Variants in BMPR2 observed in about 807,000 individuals in gnomAD.
BMPR2 encodes the protein bone morphogenetic protein receptor type-2.
Under a neutral mutation model 100.8 loss-of-function variants are expected in BMPR2, and 29 were observed. That is an observed-to-expected ratio of 0.29 (90% CI 0.21 to 0.39). The LOEUF (loss-of-function observed/expected upper bound fraction) is 0.39, where lower values mean the gene tolerates loss of function less well. Among genes scored for constraint, BMPR2 ranks in the 10% least tolerant of loss-of-function variants. The probability of loss-of-function intolerance (pLI) is 1.00; values close to 1 mark genes in which losing one functional copy is unlikely to be tolerated. For synonymous variants in BMPR2, 382 were observed against 442.3 expected, an observed-to-expected ratio of 0.86 and a Z score of 1.71; for missense variants, 1,011 against 1,274.5, an observed-to-expected ratio of 0.79 and a Z score of 3.15.
chr2:202,379,000 AAG>A (rs529701079), intron 1 of BMPR2, among the ~76,000 whole-genome samples: 195 of 152,372 alleles, frequency 1.3e-3, no homozygotes, highest in African/African-American at 4.5e-3. Flanking sequence ...TGATAAAAGT[AAG>A]AGAAAAAGCA....
At chr2:202,545,092 T>A (rs1380926644) in intron 10 of BMPR2, among the ~76,000 whole-genome samples, 1 of 149,084 alleles carries the variant, frequency 6.7e-6, no homozygotes, top group East Asian at 2.0e-4. Context: ...TTCTTACCTT[T>A]CAATTCTTCC....
intron 1 of BMPR2, among the ~76,000 whole-genome samples, chr2:202,434,937 T>TA (rs1559037520): frequency 5.6e-4 from 55 of 97,406 alleles, no homozygotes; most frequent in Non-Finnish European, 8.2e-4. Context: ...ATATATATAT[T>TA]TATTTATTTA....
chr2:202,534,258 T>C (rs984701091), intron 9 of BMPR2, among the ~76,000 whole-genome samples: 3 of 149,584 alleles, frequency 2.0e-5, no homozygotes, highest in Admixed American at 1.3e-4. Flanking sequence ...ATTTATTTAT[T>C]TATTTATTTA....
At chr2:202,538,070 C>T (rs186594738) in intron 9 of BMPR2, among the ~76,000 whole-genome samples, 70 of 151,888 alleles carry the variant, frequency 4.6e-4, no homozygotes, top group Non-Finnish European at 9.0e-4. Flanking sequence ...TGCAGTGAGC[C>T]GAGATCGCGC....
intron 10 of BMPR2, among the ~76,000 whole-genome samples, chr2:202,544,429 A>G (rs1688336674): frequency 6.6e-6 from 1 of 152,130 alleles, no homozygotes; most frequent in African/African-American, 2.4e-5. Flanking sequence ...TCAATATCAT[A>G]ATTATTTTCT....
At chr2:202,459,096 C>T (rs1353090786) in intron 1 of BMPR2, among the ~76,000 whole-genome samples, 1 of 152,092 alleles carries the variant, frequency 6.6e-6, no homozygotes, top group Non-Finnish European at 1.5e-5. Flanking sequence ...AGTGCACTCT[C>T]TTCTTTTCTA....
intron 5 of BMPR2, among the ~76,000 whole-genome samples, chr2:202,517,509 G>A (rs1033831673): frequency 5.9e-5 from 9 of 151,686 alleles, no homozygotes; most frequent in Admixed American, 1.3e-4. Flanking sequence ...ATGCCACCAC[G>A]CCCAGCTAAT....
chr2:202,455,654 G>T lies in BMPR2; in HGVS notation c.77-9155G>T, dbSNP rs372478879. 3.3e-5 allele frequency among the ~76,000 whole-genome samples: 5 copies of T among 152,274 alleles called. No individual in the cohort carries two copies. In the South Asian group the frequency reaches 1.0e-3, roughly 32 times the overall value. On this transcript the variant is annotated intron_variant, in intron 1 of 12. Coordinates refer to ENST00000374580, the MANE Select transcript of BMPR2 (RefSeq NM_001204.7). ...TTAAGAAGTGGAGAGTTTTTTGTTTGTGGGGAGTGATTAGTTTTATTTTAA... is the reference window on the plus strand; with the variant it reads ...TTAAGAAGTGGAGAGTTTTTTGTTTTTGGGGAGTGATTAGTTTTATTTTAA...
At chr2:202,531,810 T>A (rs1057289586) in intron 8 of BMPR2, among the ~76,000 whole-genome samples, 1 of 150,826 alleles carries the variant, frequency 6.6e-6, no homozygotes, top group African/African-American at 2.4e-5. Flanking sequence ...TTTTGTAATT[T>A]TAGTAGATAC....
intron 1 of BMPR2, among the ~76,000 whole-genome samples, chr2:202,429,579 A>T (rs1377149720): frequency 6.6e-6 from 1 of 152,096 alleles, no homozygotes; most frequent in East Asian, 1.9e-4. Context: ...CCCTAGAGAG[A>T]TTGGGCAGTA....
chr2:202,547,292 C>T (rs766725771), intron 10 of BMPR2, among the ~76,000 whole-genome samples: 4 of 152,086 alleles, frequency 2.6e-5, no homozygotes, highest in Non-Finnish European at 5.9e-5. Flanking sequence ...ACTGTAGCCT[C>T]GAACTCCTAA....
intron 10 of BMPR2, among the ~76,000 whole-genome samples, chr2:202,551,733 T>A (rs1688481290): frequency 6.6e-6 from 1 of 152,154 alleles, no homozygotes; most frequent in Admixed American, 6.5e-5. Flanking sequence ...GGAGTCTCAC[T>A]CTGTCACCCG....
At chr2:202,385,775 AACT>A (rs1690416265) in intron 1 of BMPR2, among the ~76,000 whole-genome samples, 1 of 151,974 alleles carries the variant, frequency 6.6e-6, no homozygotes, top group Non-Finnish European at 1.5e-5. Flanking sequence ...TGATCTTAAT[AACT>A]ATCATTTTTT....
chr2:202,521,393 C>T (rs981881167), intron 7 of BMPR2, among the ~76,000 whole-genome samples: 1 of 152,020 alleles, frequency 6.6e-6, no homozygotes, highest in African/African-American at 2.4e-5. Flanking sequence ...ATGGTGAAAC[C>T]CTGTCTCTAC....
rs1559038128 is a variant in BMPR2, at chr2:202,437,015, A to T, written c.77-27794A>T. Among the ~76,000 whole-genome samples, 3 of 148,360 alleles carry T rather than the reference A, an allele frequency of 2.0e-5. 1 individual carries two copies. The highest frequency in any genetic ancestry group is 7.7e-5 in the African/African-American group (3 of 39,088). On this transcript the variant is annotated intron_variant, in intron 1 of 12. Coordinates refer to ENST00000374580, the MANE Select transcript of BMPR2 (RefSeq NM_001204.7). ...TTTGGGGCTTCCTCAAAAACTCTAA[A>T]TTTTTTTTTTGAGATGGAGTCTCGC...
At chr2:202,385,119 A>G (rs987922426) in intron 1 of BMPR2, among the ~76,000 whole-genome samples, 1 of 152,060 alleles carries the variant, frequency 6.6e-6, no homozygotes, top group Non-Finnish European at 1.5e-5. Flanking sequence ...TTTTTGTTTC[A>G]TTTAGATGAG....
At chr2:202,549,044 A>AT (rs1347486314) in intron 10 of BMPR2, among the ~76,000 whole-genome samples, 1 of 152,036 alleles carries the variant, frequency 6.6e-6, no homozygotes, top group Non-Finnish European at 1.5e-5. Flanking sequence ...AACTTTCTCT[A>AT]TCCCCCATGA....
intron 1 of BMPR2, among the ~76,000 whole-genome samples, chr2:202,434,055 A>G (rs779516627): frequency 2.7e-5 from 4 of 150,656 alleles, no homozygotes; most frequent in Non-Finnish European, 5.9e-5. Flanking sequence ...AATAGCGAAC[A>G]TCACAGACAT....
chr2:202,517,437 C>T (rs1687733269), intron 5 of BMPR2, among the ~76,000 whole-genome samples: 1 of 151,392 alleles, frequency 6.6e-6, no homozygotes, highest in Non-Finnish European at 1.5e-5. Flanking sequence ...TCTCCAGCCT[C>T]AGCCTCTATG....
Sources: gnomAD v4.1 joint callset for allele counts (sites outside exome capture counted in the v4.1 genomes callset) on GRCh38, gnomAD v4.1.1 for gene constraint, MANE v1.5 for transcripts, NCBI Gene and HGNC (gene_info 2026-07-23, HGNC 2026-07-21) for gene names.